LPP: variants seen among roughly 807,000 people sequenced by gnomAD.
LPP encodes the protein LIM domain containing preferred translocation partner in lipoma, also known as lipoma-preferred partner.
A neutral mutation model predicts 60.4 loss-of-function variants in LPP; 38 were observed. The ratio of observed to expected loss-of-function variants is 0.63; its 90% CI spans 0.49 to 0.83. The LOEUF (loss-of-function observed/expected upper bound fraction) is 0.83, where lower values mean the gene tolerates loss of function less well. LPP is among the 40% of genes least tolerant of loss of function. LPP has a pLI of 0.00. For synonymous variants in LPP, 328 were observed against 290.8 expected (o/e 1.13, Z -1.30); for missense variants, 902 against 783.6 (o/e 1.15, Z -1.80).
intron 11 of LPP, 55 bp downstream of exon 11, chr3:188,872,818 C>T (rs529939836): frequency 2.5e-6 from 4 of 1,609,546 alleles, no homozygotes; most frequent in Non-Finnish European, 3.4e-6. Flanking sequence ...AAGGCTCGTT[C>T]GAGCTAGGTT....
chr3:188,387,122 A>G (rs1431455149), intron 3 of LPP, among the ~76,000 whole-genome samples: 1 of 152,090 alleles, frequency 6.6e-6, no homozygotes, highest in African/African-American at 2.4e-5. Context: ...AAGGCACTTA[A>G]TAATTTGTCC....
chr3:188,257,042 C>T (rs1162181493), intron 2 of LPP, among the ~76,000 whole-genome samples: 2 of 152,100 alleles, frequency 1.3e-5, no homozygotes, highest in Non-Finnish European at 2.9e-5. Context: ...ACGTGATGGG[C>T]ATTAGTTGTC....
intron 8 of LPP, among the ~76,000 whole-genome samples, chr3:188,743,367 A>G (rs189982589): frequency 1.9e-4 from 29 of 152,182 alleles, no homozygotes; most frequent in Admixed American, 1.6e-3. Context: ...AATTGAGGCC[A>G]GGTTCCACTT....
chr3:188,175,685 A>G (rs1722856872), intron 1 of LPP, among the ~76,000 whole-genome samples: 1 of 152,144 alleles, frequency 6.6e-6, no homozygotes, highest in African/African-American at 2.4e-5. Context: ...CTGGCTTTAT[A>G]CTAAAAAGAG....
At chr3:188,632,396 G>A (rs1041710284) in intron 7 of LPP, among the ~76,000 whole-genome samples, 2 of 152,196 alleles carry the variant, frequency 1.3e-5, no homozygotes, top group South Asian at 4.1e-4. Flanking sequence ...TAGGGCCTGG[G>A]TGGGGAGACT....
chr3:188,191,600 A>G (rs1728196174), intron 1 of LPP, among the ~76,000 whole-genome samples: 1 of 152,188 alleles, frequency 6.6e-6, no homozygotes, highest in African/African-American at 2.4e-5. Flanking sequence ...CTGACCCCAC[A>G]GTTTGATTCA....
intron 9 of LPP, among the ~76,000 whole-genome samples, chr3:188,781,426 A>G (rs1003505636): frequency 6.6e-6 from 1 of 152,122 alleles, no homozygotes; most frequent in Non-Finnish European, 1.5e-5. Flanking sequence ...AGGAAGAAAT[A>G]CCTGATACTG....
At chr3:188,556,060 G>A (rs1426509590) in intron 6 of LPP, among the ~76,000 whole-genome samples, 6 of 152,102 alleles carry the variant, frequency 3.9e-5, no homozygotes, top group African/African-American at 1.4e-4. Context: ...TGTGATCAAG[G>A]TATCCACACC....
At chr3:188,491,346 C>G (rs548587339) in intron 5 of LPP, among the ~76,000 whole-genome samples, 63 of 152,242 alleles carry the variant, frequency 4.1e-4, no homozygotes, top group African/African-American at 1.5e-3. Context: ...GACAGTGTTG[C>G]CAGGGCAAAA....
chr3:188,412,073 A>G (rs1441514999), intron 4 of LPP, among the ~76,000 whole-genome samples: 2 of 152,068 alleles, frequency 1.3e-5, no homozygotes, highest in Non-Finnish European at 2.9e-5. Flanking sequence ...AGATTTGTAA[A>G]GTTCACGTTT....
chr3:188,780,582 A>G (rs1335060380), intron 9 of LPP, among the ~76,000 whole-genome samples: 2 of 152,144 alleles, frequency 1.3e-5, no homozygotes, highest in Non-Finnish European at 2.9e-5. Context: ...CCAGCTGGAC[A>G]TGCTCCCCAG....
intron 8 of LPP, among the ~76,000 whole-genome samples, chr3:188,752,192 T>C (rs561153014): frequency 5.9e-5 from 9 of 152,206 alleles, no homozygotes; most frequent in Non-Finnish European, 1.2e-4. Flanking sequence ...ATCATCTCCC[T>C]CTTAGAGAAG....
chr3:188,334,409 A>T, intron 2 of LPP, among the ~76,000 whole-genome samples: 1 of 144,236 alleles, frequency 6.9e-6, no homozygotes, highest in Non-Finnish European at 1.5e-5. Context: ...GCTGGATCTT[A>T]CGATATTTCT....
chr3:188,552,867 G>A (rs559313012), intron 6 of LPP, among the ~76,000 whole-genome samples: 1 of 152,144 alleles, frequency 6.6e-6, no homozygotes, highest in Non-Finnish European at 1.5e-5. Flanking sequence ...TCACAAGTTC[G>A]AGGAATTAGA....
intron 7 of LPP, among the ~76,000 whole-genome samples, chr3:188,693,797 C>A (rs1862623672): frequency 6.6e-6 from 1 of 152,068 alleles, no homozygotes; most frequent in South Asian, 2.1e-4. Context: ...TTAGGGCTCC[C>A]AAAATTTTTG....
intron 8 of LPP, among the ~76,000 whole-genome samples, chr3:188,720,545 G>C (rs1715919249): frequency 6.7e-6 from 1 of 149,050 alleles, no homozygotes; most frequent in Admixed American, 6.8e-5. Context: ...TCTCTGGTTA[G>C]AGTTCCCACC....
intron 9 of LPP, among the ~76,000 whole-genome samples, chr3:188,787,199 A>C (rs1291523364): frequency 1.3e-5 from 2 of 152,162 alleles, no homozygotes; most frequent in Non-Finnish European, 2.9e-5. Context: ...TAGTTTTACA[A>C]GGTATTATTG....
At chr3:188,776,681 T>A (rs147131116) in intron 9 of LPP, among the ~76,000 whole-genome samples, 3 of 152,306 alleles carry the variant, frequency 2.0e-5, no homozygotes, top group African/African-American at 7.2e-5. Context: ...GGTGAATACT[T>A]AAAAGCTATG....
intron 3 of LPP, among the ~76,000 whole-genome samples, chr3:188,368,294 G>A (rs1424228159): frequency 6.6e-6 from 1 of 151,972 alleles, no homozygotes; most frequent in African/African-American, 2.4e-5. Context: ...TTTAAACTGT[G>A]GCATACTTTT....
Sources: allele counts gnomAD v4.1 joint callset (sites outside exome capture counted in the v4.1 genomes callset), GRCh38; gene constraint gnomAD v4.1.1; transcripts MANE v1.5; gene names NCBI Gene and HGNC (gene_info 2026-07-23, HGNC 2026-07-21).